RPRD2: variants seen among roughly 807,000 people sequenced by gnomAD.
RPRD2 encodes regulation of nuclear pre-mRNA domain-containing protein 2.
In RPRD2, 12 loss-of-function variants were observed where a neutral mutation model predicts 104.4. That is an observed-to-expected ratio of 0.11 (90% confidence interval 0.07 to 0.19). RPRD2 has a LOEUF of 0.19. Among genes scored for constraint, RPRD2 ranks in the 10% least tolerant of loss-of-function variants. RPRD2 has a pLI of 1.00. For synonymous variants in RPRD2, 714 were observed against 684.9 expected (o/e 1.04, Z -0.66); for missense variants, 1,543 against 1,790.1 (o/e 0.86, Z 2.49).
intron 2 of RPRD2, among the ~76,000 whole-genome samples, chr1:150,427,469 T>C (rs1665222881): frequency 7.4e-6 from 1 of 135,378 alleles, no homozygotes; most frequent in Admixed American, 7.1e-5. Flanking sequence ...CGAGACTCTA[T>C]CTCAAAAAAA....
At chr1:150,420,363 G>T (rs1298714302) in intron 2 of RPRD2, among the ~76,000 whole-genome samples, 6 of 152,092 alleles carry the variant, frequency 3.9e-5, no homozygotes, top group Non-Finnish European at 7.3e-5. Flanking sequence ...CAGTTCTTAA[G>T]TTAAAACCTT....
At chr1:150,427,880 G>A (rs1296253361) in intron 2 of RPRD2, among the ~76,000 whole-genome samples, 5 of 152,096 alleles carry the variant, frequency 3.3e-5, no homozygotes, top group African/African-American at 9.6e-5. Context: ...TTCCTACACT[G>A]TACACAGAAA....
intron 1 of RPRD2, among the ~76,000 whole-genome samples, chr1:150,392,553 G>T (rs1303320103): frequency 6.6e-6 from 1 of 152,146 alleles, no homozygotes; most frequent in Non-Finnish European, 1.5e-5. Context: ...AGAAGGGGGA[G>T]AACAATTTAA....
intron 1 of RPRD2, among the ~76,000 whole-genome samples, chr1:150,390,066 C>T (rs1661950676): frequency 6.6e-6 from 1 of 151,908 alleles, no homozygotes; most frequent in Non-Finnish European, 1.5e-5. Flanking sequence ...TTCAGAATTC[C>T]CATAGATAAA....
chr1:150,412,492 C>T (rs898219419), intron 1 of RPRD2, among the ~76,000 whole-genome samples: 2 of 151,988 alleles, frequency 1.3e-5, no homozygotes, highest in Admixed American at 6.6e-5. Context: ...CCACTGAAAA[C>T]GGTTTAGGAT....
At chr1:150,380,121 A>G (rs1323457257) in intron 1 of RPRD2, among the ~76,000 whole-genome samples, 3 of 152,240 alleles carry the variant, frequency 2.0e-5, no homozygotes, top group African/African-American at 7.2e-5. Flanking sequence ...ATAAAAATAT[A>G]CTACATTTAT....
At chr1:150,414,323 A>G (rs1449180278) in intron 1 of RPRD2, among the ~76,000 whole-genome samples, 1 of 152,240 alleles carries the variant, frequency 6.6e-6, no homozygotes, top group Non-Finnish European at 1.5e-5. Flanking sequence ...CAATCCTGTA[A>G]GGTTGTCATT....
chr1:150,449,741 A>G (rs1304171431), intron 7 of RPRD2, among the ~76,000 whole-genome samples: 2 of 152,160 alleles, frequency 1.3e-5, no homozygotes, highest in African/African-American at 4.8e-5. Flanking sequence ...GAGGACTTCA[A>G]CATATGAGTC....
intron 2 of RPRD2, among the ~76,000 whole-genome samples, chr1:150,424,420 T>C (rs958301749): frequency 6.6e-6 from 1 of 152,080 alleles, no homozygotes; most frequent in Admixed American, 6.6e-5. Context: ...CTTGAGAAGC[T>C]GGGATTACAG....
At chr1:150,465,580 G>A (rs12130082) in intron 10 of RPRD2, among the ~76,000 whole-genome samples, 33,711 of 151,994 alleles carry the variant, frequency 0.22, 4,250 homozygotes, top group African/African-American at 0.32. Flanking sequence ...ATACCTATCT[G>A]TCTATTCAGT....
intron 7 of RPRD2, among the ~76,000 whole-genome samples, chr1:150,447,310 A>T (rs1553895739): frequency 6.7e-6 from 1 of 149,706 alleles, no homozygotes; most frequent in Admixed American, 6.7e-5. Context: ...ACCAAATTTC[A>T]TGTAAATTGA....
intron 1 of RPRD2, among the ~76,000 whole-genome samples, chr1:150,365,524 G>A (rs1450837103): frequency 1.3e-5 from 2 of 152,178 alleles, no homozygotes; most frequent in South Asian, 2.1e-4. Context: ...CTTGGATACT[G>A]ACCAGAAACA....
At chr1:150,424,666 A>G (rs1357812572) in intron 2 of RPRD2, among the ~76,000 whole-genome samples, 1 of 152,174 alleles carries the variant, frequency 6.6e-6, no homozygotes, top group African/African-American at 2.4e-5. Context: ...GAAAATGACA[A>G]TTTAGTAAAA....
chr1:150,388,497 G>GCGCACA (rs782440726), intron 1 of RPRD2, among the ~76,000 whole-genome samples: 3 of 90,220 alleles, frequency 3.3e-5, no homozygotes, highest in Admixed American at 9.3e-5. Flanking sequence ...ATATACCCGC[G>GCGCACA]CACACACACA....
intron 9 of RPRD2, among the ~76,000 whole-genome samples, chr1:150,461,356 T>C (rs1290728835): frequency 1.3e-5 from 2 of 152,222 alleles, no homozygotes; most frequent in Non-Finnish European, 2.9e-5. Context: ...ATTAAATATG[T>C]ATAACAATTT....
chr1:150,383,262 T>A (rs1019900440), intron 1 of RPRD2, among the ~76,000 whole-genome samples: 1 of 151,532 alleles, frequency 6.6e-6, no homozygotes, highest in African/African-American at 2.4e-5. Context: ...CCCAAAGTGC[T>A]AGGATTACAG....
intron 7 of RPRD2, among the ~76,000 whole-genome samples, chr1:150,451,952 C>T (rs1553896667): frequency 1.3e-5 from 2 of 151,366 alleles, no homozygotes; most frequent in African/African-American, 4.9e-5. Context: ...ACCAGCCTGG[C>T]CAATATGGTG....
At chr1:150,390,737 T>C (rs1662002248) in intron 1 of RPRD2, among the ~76,000 whole-genome samples, 3 of 152,114 alleles carry the variant, frequency 2.0e-5, no homozygotes, top group Admixed American at 2.0e-4. Flanking sequence ...CTGAAGTAAT[T>C]TCCCAGAATG....
intron 1 of RPRD2, among the ~76,000 whole-genome samples, chr1:150,408,726 T>C (rs587632368): frequency 6.6e-6 from 1 of 152,386 alleles, no homozygotes; most frequent in Non-Finnish European, 1.5e-5. Flanking sequence ...ATCCACGTAA[T>C]ATGGATGCAC....
Sources: allele counts gnomAD v4.1 joint callset (sites outside exome capture counted in the v4.1 genomes callset), GRCh38; gene constraint gnomAD v4.1.1; transcripts MANE v1.5; gene names NCBI Gene and HGNC (gene_info 2026-07-23, HGNC 2026-07-21).